The following TRIO variants were observed in gnomAD, a reference collection of about 807,000 sequenced individuals.
The protein encoded by TRIO is trio Rho guanine nucleotide exchange factor.
Under a neutral mutation model 351.9 loss-of-function variants are expected in TRIO, and 58 were observed. The ratio of observed to expected loss-of-function variants is 0.16; its 90% CI spans 0.13 to 0.21. TRIO has a LOEUF of 0.21. TRIO is among the 10% of genes least tolerant of loss of function. The probability of loss-of-function intolerance (pLI) is 1.00; values close to 1 mark genes in which losing one functional copy is unlikely to be tolerated. For missense variants in TRIO, 3,201 were observed against 4,027.8 expected, an observed-to-expected ratio of 0.79 and a Z score of 5.56; for synonymous variants, 1,758 against 1,595.7, an observed-to-expected ratio of 1.10 and a Z score of -2.42.
intron 1 of TRIO, among the ~76,000 whole-genome samples, chr5:14,212,989 T>A (rs1791999484): frequency 6.6e-6 from 1 of 152,212 alleles, no homozygotes; most frequent in Admixed American, 6.5e-5. Flanking sequence ...ATTTCTTGTT[T>A]CTGACCAAGA....
intron 1 of TRIO, among the ~76,000 whole-genome samples, chr5:14,225,802 C>CA (rs1371102096): frequency 2.2e-5 from 3 of 133,718 alleles, no homozygotes; most frequent in Admixed American, 2.1e-4. Flanking sequence ...ACCCCCCCCC[C>CA]CACCTCCAAG....
At chr5:14,342,472 C>T (rs1052744603) in intron 11 of TRIO, among the ~76,000 whole-genome samples, 1 of 152,214 alleles carries the variant, frequency 6.6e-6, no homozygotes, top group Non-Finnish European at 1.5e-5. Flanking sequence ...CAGTGCAGGG[C>T]CTGTCACTAA....
chr5:14,298,898 T>C (rs573899597), intron 7 of TRIO, among the ~76,000 whole-genome samples: 1 of 152,362 alleles, frequency 6.6e-6, no homozygotes, highest in East Asian at 1.9e-4. Context: ...ACCATCTTCA[T>C]GACCCTGTAG....
In TRIO at chr5:14,290,941, A is replaced by G; in HGVS notation, c.766A>G (p.Met256Val). 6.2e-7 allele frequency: 1 copy of G among 1,614,232 alleles called. No individual in the cohort carries two copies. The highest frequency in any genetic ancestry group is 2.2e-5 in the East Asian group (1 of 44,882). ...LPQDLEGARN[M>V]IEEHSQLKKK... is the part of the protein sequence containing the mutation. The stretch of plus-strand genomic sequence containing the variant: ...TCAGGATTTAGAGGGGGCTCGGAAT[A>G]TGATCGAGGAACATTCTCAGCTGAA... Residue 256 changes from methionine to valine, a missense_variant, in exon 5 of 57, where the codon ATG becomes GTG. Physicochemically the swap from Met to Val is conservative, Grantham distance 21. Transcript: ENST00000344204.
At chr5:14,498,894 C>T (rs1392684129) in intron 53 of TRIO, 2 of 412,598 alleles carry the variant, frequency 4.8e-6, no homozygotes, top group Non-Finnish European at 8.5e-6. Flanking sequence ...AGGATGGGGG[C>T]CTGCCTGGTG....
chr5:14,380,211 TTACG>T (rs369544953), intron 20 of TRIO, among the ~76,000 whole-genome samples: 5 of 152,214 alleles, frequency 3.3e-5, no homozygotes, highest in African/African-American at 1.2e-4. Context: ...CCCTCTTGTC[TTACG>T]TGTTGTTAGA....
chr5:14,236,539 C>T (rs1793777163), intron 1 of TRIO, among the ~76,000 whole-genome samples: 5 of 152,096 alleles, frequency 3.3e-5, no homozygotes, highest in Admixed American at 1.3e-4. Context: ...ATTGTATATA[C>T]CAAAACTTTG....
intron 34 of TRIO, among the ~76,000 whole-genome samples, chr5:14,429,686 T>TA (rs1480180475): frequency 1.5e-4 from 23 of 152,340 alleles, no homozygotes; most frequent in African/African-American, 5.5e-4. Context: ...TTAGGTATTT[T>TA]ACATGGTTCA....
At chr5:14,159,687 C>T (rs955402393) in intron 1 of TRIO, among the ~76,000 whole-genome samples, 10 of 151,994 alleles carry the variant, frequency 6.6e-5, no homozygotes, top group African/African-American at 1.9e-4. Context: ...CTCAGCCTCC[C>T]GAATAGCTGG....
chr5:14,230,001 C>T (rs1420169852), intron 1 of TRIO, among the ~76,000 whole-genome samples: 1 of 152,142 alleles, frequency 6.6e-6, no homozygotes, highest in East Asian at 1.9e-4. Context: ...GACTTGTGAC[C>T]AGTCTGCAGA....
At chr5:14,391,356 CT>C (rs1243447725) in intron 27 of TRIO, among the ~76,000 whole-genome samples, 2 of 152,202 alleles carry the variant, frequency 1.3e-5, no homozygotes, top group Admixed American at 6.5e-5. Context: ...TATTAAGCTT[CT>C]TTTCCCCCTC....
chr5:14,147,737 G>A (rs978149192), intron 1 of TRIO, among the ~76,000 whole-genome samples: 4 of 152,168 alleles, frequency 2.6e-5, no homozygotes, highest in Non-Finnish European at 4.4e-5. Flanking sequence ...ATTGAGAGAA[G>A]CTTTTCTTCA....
chr5:14,305,568 A>T (rs1439526804), intron 8 of TRIO, among the ~76,000 whole-genome samples: 1 of 152,236 alleles, frequency 6.6e-6, no homozygotes, highest in Admixed American at 6.5e-5. Context: ...TGGACAGTGT[A>T]GATGTTTAAT....
At chr5:14,221,122 C>T (rs1303347752) in intron 1 of TRIO, among the ~76,000 whole-genome samples, 1 of 152,170 alleles carries the variant, frequency 6.6e-6, no homozygotes, top group Admixed American at 6.5e-5. Flanking sequence ...TCTACTCTGC[C>T]TATGTTCTGT....
At chr5:14,265,066 G>C (rs1437007397) in intron 1 of TRIO, among the ~76,000 whole-genome samples, 1 of 146,406 alleles carries the variant, frequency 6.8e-6, no homozygotes, top group Non-Finnish European at 1.5e-5. Context: ...CCTGTGTTTT[G>C]TTAAGTATGT....
chr5:14,420,818 G>C (rs1347466436), intron 34 of TRIO: 3 of 152,290 alleles, frequency 2.0e-5, no homozygotes, highest in Admixed American at 2.0e-4. Context: ...GTTCTGCAGA[G>C]GGGCCCTGGT....
chr5:14,239,961 A>T (rs1794028115), intron 1 of TRIO, among the ~76,000 whole-genome samples: 1 of 152,202 alleles, frequency 6.6e-6, no homozygotes, highest in Admixed American at 6.5e-5. Flanking sequence ...GTATTCGTAT[A>T]TAATTTAGAA....
At chr5:14,203,976 A>G (rs2152178605) in intron 1 of TRIO, among the ~76,000 whole-genome samples, 1 of 152,340 alleles carries the variant, frequency 6.6e-6, no homozygotes, top group East Asian at 1.9e-4. Flanking sequence ...GATGCCTGGT[A>G]CTTTTAAGTA....
chr5:14,407,691 G>A (rs1748846114), intron 33 of TRIO, among the ~76,000 whole-genome samples: 1 of 152,194 alleles, frequency 6.6e-6, no homozygotes, highest in Non-Finnish European at 1.5e-5. Flanking sequence ...GTTTGTATAG[G>A]TGTATCTTCT....
Sources: gnomAD v4.1 joint callset for allele counts (sites outside exome capture counted in the v4.1 genomes callset) on GRCh38, gnomAD v4.1.1 for gene constraint, MANE v1.5 for transcripts, NCBI Gene and HGNC (gene_info 2026-07-23, HGNC 2026-07-21) for gene names.